Variants in SLC23A1 observed in about 807,000 individuals in gnomAD.
SLC23A1 encodes the protein Na(+)/L-ascorbic acid transporter 1.
SLC23A1 carries 31 observed loss-of-function variants against 62.5 expected under a neutral mutation model. The ratio of observed to expected loss-of-function variants is 0.50; its 90% CI spans 0.37 to 0.67. SLC23A1 has a LOEUF of 0.67. Ranked by LOEUF, SLC23A1 falls within the 30% of genes least tolerant of loss-of-function variation. The probability of loss-of-function intolerance (pLI) is 0.00; values close to 1 mark genes in which losing one functional copy is unlikely to be tolerated. For synonymous variants in SLC23A1, 271 were observed against 313.2 expected, an observed-to-expected ratio of 0.87 and a Z score of 1.42; for missense variants, 640 against 782.7, an observed-to-expected ratio of 0.82 and a Z score of 2.18.
At chr5:139,368,591 C>G (rs1161326878) in intron 14 of SLC23A1, 1 of 610,014 alleles carries the variant, frequency 1.6e-6, no homozygotes, top group African/African-American at 1.9e-5. Flanking sequence ...CTGGTTCTTC[C>G]TTTTTGGGGT....
rs370429789 is a variant in SLC23A1, at chr5:139,377,429, C to T, written c.1522G>A (p.Ala508Thr). The change falls in exon 13 of 15, where the codon GCT (alanine) becomes ACT (threonine). Residue 508 changes from alanine (A) to threonine (T), a missense_variant. Physicochemically the swap from Ala to Thr is moderately conservative, Grantham distance 58 (BLOSUM62 0). Transcript: ENST00000348729. Reference protein sequence around the residue: ...TTEMFVGGCLAFILDNTVPGS... With the variant: ...TTEMFVGGCLTFILDNTVPGS... ...GGCACTGTGTTGTCAAGTATGAAAG[C>T]AAGGCACCCGCCCACAAACATCTCC... 1.2e-6 allele frequency: 2 copies of T among 1,608,878 alleles called. No individual in the cohort carries two copies. Among genetic ancestry groups the T allele is most frequent in the Non-Finnish European group, 1.7e-6 (2 of 1,175,162 alleles).
chr5:139,372,311 T>C, intron 13 of SLC23A1, 58 bp from the exon 14 acceptor site: 1 of 1,539,634 alleles, frequency 6.5e-7, no homozygotes, highest in Non-Finnish European at 8.9e-7. Flanking sequence ...CACCCCCACT[T>C]CCCATAACCC....
intron 14 of SLC23A1, 34 bp downstream of exon 14, chr5:139,371,953 C>T: frequency 2.6e-6 from 4 of 1,543,640 alleles, no homozygotes; most frequent in Non-Finnish European, 3.5e-6. Context: ...TTTGATTATT[C>T]AACCCTCCCA....
chr5:139,378,095 A>C lies in SLC23A1; in HGVS notation c.1333T>G (p.Ser445Ala). ...LFGMITAVGL[S>A]NLQFVDMNSS... ...TTCATGTCCACAAATTGCAGGTTGGACAGCCCCACAGCTGTAATCATGCCT... is the reference window on the plus strand; with the variant it reads ...TTCATGTCCACAAATTGCAGGTTGGCCAGCCCCACAGCTGTAATCATGCCT... Residue 445 changes from serine (S) to alanine (A), a missense_variant, in exon 12 of 15, where the codon TCC becomes GCC. By Grantham distance (99) the Ser-to-Ala change is moderately conservative. Transcript: ENST00000348729. This position sits in a 1 kb window ranked among gnomAD's most constrained non-coding sequence, Gnocchi z 4.5. 6.2e-7 allele frequency: 1 copy of C among 1,614,210 alleles called. No homozygotes were observed.
At chr5:139,375,480 A>G (rs1176833899) in intron 13 of SLC23A1, among the ~76,000 whole-genome samples, 1 of 152,214 alleles carries the variant, frequency 6.6e-6, no homozygotes, top group Non-Finnish European at 1.5e-5. Flanking sequence ...GTAGTATGCT[A>G]TGATCACACC....
intron 14 of SLC23A1, 67 bp downstream of exon 14, chr5:139,371,920 C>T: frequency 7.1e-6 from 9 of 1,265,914 alleles, no homozygotes; most frequent in South Asian, 2.8e-5. Context: ...TTTGGTTTTT[C>T]TTTGGTTAAA....
Position 139,378,432 on chromosome 5 carries a change from G to C in SLC23A1, c.1180-81C>G. On this transcript the variant is annotated intron_variant, in intron 10 of 14. Coordinates refer to ENST00000348729, the MANE Select transcript of SLC23A1 (RefSeq NM_005847.5). The surrounding 1 kb of genome is among the most constrained non-coding windows in gnomAD (Gnocchi z 4.5). ...GTTCCAGGGGCGGGGCCTGTTATAA[G>C]AGCGAGGCATAAACCGGCTGGGGCT... The C allele has an allele frequency of 6.6e-7, 1 of 1,508,330 alleles. No homozygotes were observed. The highest frequency in any genetic ancestry group is 1.4e-5 in the African/African-American group (1 of 72,342). The allele number at this position is 1,508,330 out of a possible 1,614,324, so 93.4% of individuals were successfully genotyped here. A position where few individuals can be genotyped will look rare whatever the true frequency, so the allele number is the denominator to read the frequency against.
In SLC23A1 at chr5:139,379,166, C is replaced by G; in HGVS notation, c.1073+41G>C. The G allele has an allele frequency of 1.2e-6, 2 of 1,607,014 alleles. No homozygotes were observed. The highest frequency in any genetic ancestry group is 1.7e-4 in the Middle Eastern group (1 of 6,036). Reference sequence around the variant, plus strand: ...GTTCCTGTGTGTGCTTCCTGGGTGGCGCCTGAGGAGATCAGATACTGAGGA... The same window carrying G: ...GTTCCTGTGTGTGCTTCCTGGGTGGGGCCTGAGGAGATCAGATACTGAGGA... On this transcript the variant is annotated intron_variant, in intron 9 of 14. Coordinates refer to ENST00000348729, the MANE Select transcript of SLC23A1 (RefSeq NM_005847.5). The surrounding 1 kb of genome is among the most constrained non-coding windows in gnomAD (Gnocchi z 4.7).
At position 139,377,982 on chromosome 5, in the gene SLC23A1, G is replaced by C; in HGVS notation, c.1446C>G (p.Ile482Met). 1 of 1,613,694 alleles carries C rather than the reference G, an allele frequency of 6.2e-7. No individual in the cohort carries two copies. The highest frequency in any genetic ancestry group is 8.5e-7 in the Non-Finnish European group (1 of 1,179,836). ...PNYLESNPGA[I>M]NTGILEVDQI... ...GTAAACAGCTGGAGGCACCTGTATT[G>C]ATGGCGCCAGGGTTGGACTCCAGGT... The change falls in exon 12 of 15, where the codon ATC becomes ATG. Residue 482 changes from isoleucine to methionine, a missense_variant. Ile to Met is a conservative substitution (Grantham distance 10). Coordinates refer to ENST00000348729, the MANE Select transcript of SLC23A1 (RefSeq NM_005847.5).
intron 3 of SLC23A1, among the ~76,000 whole-genome samples, chr5:139,381,685 C>T (rs1163043730): frequency 1.3e-5 from 2 of 151,632 alleles, no homozygotes; most frequent in African/African-American, 4.8e-5. Context: ...TTGCAGATGC[C>T]TGGTCTTTGA....
At chr5:139,377,145 A>G (rs1757985636) in intron 13 of SLC23A1, among the ~76,000 whole-genome samples, 1 of 152,022 alleles carries the variant, frequency 6.6e-6, no homozygotes, top group African/African-American at 2.4e-5. Context: ...AAGAAATGGA[A>G]AAAGTGGAGA....
rs1758085495 is a variant in SLC23A1 at position 139,378,852 on chromosome 5, C to G, written c.1074-168G>C. Among the ~76,000 whole-genome samples, 2 of 152,190 alleles carry G rather than the reference C, an allele frequency of 1.3e-5. No homozygotes were observed. Among genetic ancestry groups the G allele is most frequent in the Non-Finnish European group, 2.9e-5 (2 of 68,022 alleles). On this transcript the variant is annotated intron_variant, in intron 9 of 14. Transcript: ENST00000348729. This position sits in a 1 kb window ranked among gnomAD's most constrained non-coding sequence, Gnocchi z 4.5. ...TCAGGCTCCAGAGCTAGTCCTAGTGCCCTGGCACTTACTCCTGTGGGTAAT... is the reference window on the plus strand; with the variant it reads ...TCAGGCTCCAGAGCTAGTCCTAGTGGCCTGGCACTTACTCCTGTGGGTAAT...
upstream of SLC23A1, chr5:139,384,251 A>C: frequency 1.1e-6 from 1 of 872,500 alleles, no homozygotes. Context: ...GGACATGGGG[A>C]GGGGCCCTAA....
intron 13 of SLC23A1, among the ~76,000 whole-genome samples, chr5:139,372,715 G>T (rs1757740848): frequency 6.6e-6 from 1 of 152,046 alleles, no homozygotes; most frequent in African/African-American, 2.4e-5. Flanking sequence ...CTCCTTAGTA[G>T]CTGGGATTAC....
intron 14 of SLC23A1, among the ~76,000 whole-genome samples, chr5:139,367,839 T>A (rs970328255): frequency 6.6e-6 from 1 of 152,230 alleles, no homozygotes. Flanking sequence ...CTTTAACTTA[T>A]GTGAAGTTAC....
chr5:139,380,516 T>G (rs748661754), intron 5 of SLC23A1, 49 bp downstream of exon 5: 2 of 1,597,516 alleles, frequency 1.3e-6, no homozygotes, highest in Admixed American at 3.3e-5. Context: ...CACTCCCATA[T>G]AGCCCCTCCT....
At chr5:139,383,071 C>T (rs1758359160) in intron 1 of SLC23A1, 147 bp downstream of exon 1, 1 of 607,280 alleles carries the variant, frequency 1.6e-6, no homozygotes, top group East Asian at 3.1e-5. Context: ...CCACCCATCC[C>T]CCAGTTGCCA....
Position 139,379,950 on chromosome 5 carries a change from C to T in SLC23A1, c.768+6G>A, listed in dbSNP as rs1359730305. ...TCCCAGCCCCAGCCGCCTGCCAGGT[C>T]CTCACAGGAAACATTTTGAAGATCT... On this transcript the variant is annotated splice_donor_region_variant and intron_variant, in intron 7 of 14. Coordinates refer to ENST00000348729, the MANE Select transcript of SLC23A1 (RefSeq NM_005847.5). The surrounding 1 kb of genome is among the most constrained non-coding windows in gnomAD (Gnocchi z 4.7). The T allele has an allele frequency of 1.2e-5, 20 of 1,613,958 alleles. No homozygotes were observed. The highest frequency in any genetic ancestry group is 1.7e-5 in the Non-Finnish European group (20 of 1,180,018).
Position 139,377,118 on chromosome 5 carries a change from C to T in SLC23A1, c.1549+284G>A, listed in dbSNP as rs188697072. 1.1e-3 allele frequency among the ~76,000 whole-genome samples: 169 copies of T among 149,714 alleles called. 1 individual carries two copies. In the Middle Eastern group the frequency reaches 0.017, roughly 15 times the overall value. On this transcript the variant is annotated intron_variant, in intron 13 of 14. Transcript: ENST00000348729. ...TGGGTGACAGGGCGAGACTCCATCT[C>T]GGAAAAAAAAAAAGGAAAGAAATGG...
Sources: allele counts gnomAD v4.1 joint callset (sites outside exome capture counted in the v4.1 genomes callset), GRCh38; gene constraint gnomAD v4.1.1; non-coding constraint Gnocchi (gnomAD v3.1); transcripts MANE v1.5; gene names NCBI Gene and HGNC (gene_info 2026-07-23, HGNC 2026-07-21).